Variants in MALRD1 observed in about 807,000 individuals in gnomAD.
MALRD1 encodes MAM and LDL-receptor class A domain-containing protein 1.
MALRD1 carries 247 observed loss-of-function variants against 242.1 expected under a neutral mutation model. The ratio of observed to expected loss-of-function variants is 1.02; its 90% CI spans 0.92 to 1.13. MALRD1 has a LOEUF of 1.13. Among genes scored for constraint, MALRD1 ranks in the 50% most tolerant of loss-of-function variants. The pLI is 0.00. For missense variants in MALRD1, 2,989 were observed against 2,533.1 expected (o/e 1.18, Z -3.86); for synonymous variants, 995 against 866.6 (o/e 1.15, Z -2.60).
chr10:19,358,428 G>A (rs556206464), intron 26 of MALRD1, among the ~76,000 whole-genome samples: 89 of 152,286 alleles, frequency 5.8e-4, no homozygotes, highest in African/African-American at 2.0e-3. Flanking sequence ...GAATGCTGGT[G>A]TAGCAACTCA....
chr10:19,437,026 T>A (rs919000786), intron 28 of MALRD1, among the ~76,000 whole-genome samples: 3 of 152,036 alleles, frequency 2.0e-5, no homozygotes, highest in Non-Finnish European at 4.4e-5. Flanking sequence ...GGAGGAGTAT[T>A]TGAGGGGGAA....
chr10:19,063,128 A>G (rs1447475760), intron 1 of MALRD1, among the ~76,000 whole-genome samples: 1 of 152,202 alleles, frequency 6.6e-6, no homozygotes, highest in Admixed American at 6.6e-5. Context: ...CCTAGGTGAC[A>G]GAGCAAGACC....
chr10:19,433,890 G>A (rs879712802), intron 28 of MALRD1, among the ~76,000 whole-genome samples: 15 of 151,522 alleles, frequency 9.9e-5, no homozygotes, highest in East Asian at 5.8e-4. Context: ...ACACACACAC[G>A]CGCACACACA....
chr10:19,501,969 C>T (rs1837991805), intron 31 of MALRD1, among the ~76,000 whole-genome samples: 1 of 141,958 alleles, frequency 7.0e-6, no homozygotes. Context: ...ATTGAGGCTG[C>T]AGTGTCGTGT....
chr10:19,335,202 T>G (rs1325698023), intron 24 of MALRD1, among the ~76,000 whole-genome samples: 2 of 151,006 alleles, frequency 1.3e-5, no homozygotes, highest in African/African-American at 2.4e-5. Context: ...GTTTTTTTTT[T>G]TTTTTAGATT....
At chr10:19,575,403 G>A (rs1836761602) in intron 33 of MALRD1, among the ~76,000 whole-genome samples, 1 of 151,972 alleles carries the variant, frequency 6.6e-6, no homozygotes, top group African/African-American at 2.4e-5. Flanking sequence ...GCTACACATA[G>A]TGTCAGAGGA....
intron 33 of MALRD1, among the ~76,000 whole-genome samples, chr10:19,583,996 T>A (rs974859910): frequency 6.6e-6 from 1 of 152,122 alleles, no homozygotes; most frequent in African/African-American, 2.4e-5. Flanking sequence ...TTCTAGATTT[T>A]CTAGTTTATT....
chr10:19,642,552 GA>G lies in MALRD1; in HGVS notation c.6137+26634del, dbSNP rs565475236. 7.9e-5 allele frequency among the ~76,000 whole-genome samples: 12 copies of G among 152,208 alleles called. No homozygotes were observed. The East Asian group carries it at 2.3e-3, about 29-fold the overall frequency. On this transcript the variant is annotated intron_variant, in intron 36 of 39. Transcript: ENST00000454679. The stretch of plus-strand genomic sequence containing the variant: ...AATGTATTGAATAGAATCACAGGGG[GA>G]AAAATATCAAAATTAGCAGTACAGT...
chr10:19,456,021 A>G (rs956090542), intron 29 of MALRD1, among the ~76,000 whole-genome samples: 1 of 152,174 alleles, frequency 6.6e-6, no homozygotes, highest in Admixed American at 6.5e-5. Flanking sequence ...GAATCCAATA[A>G]TGGTATAAGA....
Position 19,210,886 on chromosome 10 carries a change from C to T in MALRD1, c.2991+1206C>T, listed in dbSNP as rs189339009. On this transcript the variant is annotated intron_variant, in intron 18 of 39. Transcript: ENST00000454679. ...GAATCCCCCATTTATAGTGTGGCAT[C>T]GTTTGGCTCCGCCACAGTGTAAAGT... is the stretch of plus-strand genomic sequence containing the variant. 4.7e-4 allele frequency among the ~76,000 whole-genome samples: 71 copies of T among 152,234 alleles called. 1 individual carries two copies. The South Asian group carries it at 0.011, about 24-fold the overall frequency.
chr10:19,538,730 A>G (rs16919014), intron 32 of MALRD1, among the ~76,000 whole-genome samples: 3,918 of 152,272 alleles, frequency 0.026, 93 homozygotes, highest in Non-Finnish European at 0.032. Flanking sequence ...ATGAATAGGT[A>G]ACTCACAATT....
intron 11 of MALRD1, 149 bp downstream of exon 11, chr10:19,146,493 T>C: frequency 3.2e-6 from 2 of 632,720 alleles, no homozygotes; most frequent in South Asian, 8.6e-5. Flanking sequence ...AAGTTAATAA[T>C]TGGCGGGTAA....
In MALRD1 at chr10:19,333,727, C is replaced by T. The variant is rs182129098; in HGVS notation, c.3901+2145C>T. On this transcript the variant is annotated intron_variant, in intron 24 of 39. Coordinates refer to ENST00000454679, the MANE Select transcript of MALRD1 (RefSeq NM_001142308.3). ...AGTTCTTTCAGAAGTCTTCAAACTC[C>T]TTTCCACAGTGGCTGAACTAATTTA... Among the ~76,000 whole-genome samples, 467 of 152,024 alleles carry T rather than the reference C, an allele frequency of 3.1e-3. 3 individuals carry two copies. Among genetic ancestry groups the T allele is most frequent in the African/African-American group, 0.011 (436 of 41,486 alleles).
intron 5 of MALRD1, among the ~76,000 whole-genome samples, chr10:19,116,174 T>A (rs1836864183): frequency 6.6e-6 from 1 of 152,170 alleles, no homozygotes; most frequent in Non-Finnish European, 1.5e-5. Context: ...AATAAGAACA[T>A]GTTTAATCAC....
intron 18 of MALRD1, among the ~76,000 whole-genome samples, chr10:19,214,535 C>T (rs1034783889): frequency 6.6e-6 from 1 of 152,088 alleles, no homozygotes; most frequent in Non-Finnish European, 1.5e-5. Flanking sequence ...ACTTTCTGTC[C>T]ATTGAATGAG....
chr10:19,363,473 C>G (rs1170274582), intron 26 of MALRD1, among the ~76,000 whole-genome samples: 1 of 152,114 alleles, frequency 6.6e-6, no homozygotes, highest in Non-Finnish European at 1.5e-5. Flanking sequence ...AGGTCTGAAA[C>G]TGGCCATTGT....
intron 18 of MALRD1, among the ~76,000 whole-genome samples, chr10:19,209,927 T>C (rs1216266736): frequency 1.3e-5 from 2 of 152,228 alleles, no homozygotes; most frequent in African/African-American, 4.8e-5. Context: ...CTGCAGGTCC[T>C]TCCAATTTCA....
rs569723210 is a variant in MALRD1, at chr10:19,163,605, C to T, written c.1657-2032C>T. ...ATCTGTACAACAAGTCCCCGTGACA[C>T]GTGTTTGCCTATGTAACAAATCTTC... is the stretch of plus-strand genomic sequence containing the variant. On this transcript the variant is annotated intron_variant, in intron 12 of 39. Transcript: ENST00000454679. 2.0e-5 allele frequency among the ~76,000 whole-genome samples: 3 copies of T among 152,128 alleles called. No homozygotes were observed. The East Asian group carries it at 5.8e-4, about 29-fold the overall frequency.
chr10:19,657,819 T>C (rs1027740318), intron 36 of MALRD1, among the ~76,000 whole-genome samples: 1 of 152,268 alleles, frequency 6.6e-6, no homozygotes, highest in Non-Finnish European at 1.5e-5. Context: ...ACAATATAGA[T>C]TATATACACA....
Sources: gnomAD v4.1 joint callset for allele counts (sites outside exome capture counted in the v4.1 genomes callset) on GRCh38, gnomAD v4.1.1 for gene constraint, MANE v1.5 for transcripts, NCBI Gene and HGNC (gene_info 2026-07-23, HGNC 2026-07-21) for gene names.